POLH: variants seen among roughly 807,000 people sequenced by gnomAD.
POLH encodes the protein DNA polymerase eta transcript.
A neutral mutation model predicts 73.6 loss-of-function variants in POLH; 53 were observed. The observed-to-expected ratio is 0.72, with a 90% CI of 0.58 to 0.91. POLH has a LOEUF of 0.91. Ranked by LOEUF, POLH falls within the 40% of genes least tolerant of loss-of-function variation. POLH has a pLI of 0.00. For missense variants in POLH, 768 were observed against 865.4 expected, an observed-to-expected ratio of 0.89 and a Z score of 1.41; for synonymous variants, 292 against 308.5, an observed-to-expected ratio of 0.95 and a Z score of 0.56.
Position 43,617,142 on chromosome 6 carries a change from A to C in POLH, c.*2585A>C, listed in dbSNP as rs1254845400. On this transcript the variant is annotated 3_prime_UTR_variant, in exon 11 of 11. Transcript: ENST00000372236. ...GAGGCAGAGGTTGCAGTGAGCCGAG[A>C]TTTCCACTGCATTCCAGCCTGGGCG... is the stretch of plus-strand genomic sequence containing the variant. 6.6e-6 allele frequency among the ~76,000 whole-genome samples: 1 copy of C among 151,916 alleles called. No homozygotes were observed. Among genetic ancestry groups the C allele is most frequent in the African/African-American group, 2.4e-5 (1 of 41,356 alleles).
At chr6:43,579,475 G>A (rs990722422) in intron 1 of POLH, among the ~76,000 whole-genome samples, 1 of 152,200 alleles carries the variant, frequency 6.6e-6, no homozygotes, top group Non-Finnish European at 1.5e-5. Flanking sequence ...GGAGCAAAAG[G>A]AAGTTCCTGG....
At chr6:43,610,795 T>C (rs1371019520) in intron 10 of POLH, 72 bp downstream of exon 10, 11 of 1,291,226 alleles carry the variant, frequency 8.5e-6, no homozygotes, top group Admixed American at 3.7e-5. Flanking sequence ...CTACAAGACA[T>C]AATTTTTATC....
At chr6:43,582,860 T>G in intron 2 of POLH, 147 bp from the exon 3 acceptor site, 1 of 744,554 alleles carries the variant, frequency 1.3e-6, no homozygotes. Context: ...TTTTTGAGAT[T>G]TCTGAACTGC....
intron 5 of POLH, 49 bp downstream of exon 5, chr6:43,597,914 A>G: frequency 7.4e-6 from 11 of 1,482,558 alleles, no homozygotes; most frequent in Non-Finnish European, 9.4e-6. Context: ...ATCCTTAGTC[A>G]AATACAGTAG....
At chr6:43,602,649 C>G (rs1186286766) in intron 6 of POLH, among the ~76,000 whole-genome samples, 1 of 151,524 alleles carries the variant, frequency 6.6e-6, no homozygotes, top group Non-Finnish European at 1.5e-5. Context: ...CAGGGAGCCT[C>G]AAAGGCTGGG....
chr6:43,604,036 T>C, intron 7 of POLH, 25 bp downstream of exon 7: 1 of 1,595,544 alleles, frequency 6.3e-7, no homozygotes, highest in Non-Finnish European at 8.6e-7. Flanking sequence ...TTTTTTAAAA[T>C]CATAACCTTT....
chr6:43,601,298 T>C (rs1222015195), intron 6 of POLH, among the ~76,000 whole-genome samples: 1 of 152,054 alleles, frequency 6.6e-6, no homozygotes, highest in African/African-American at 2.4e-5. Flanking sequence ...AGAGTTTCAC[T>C]CTTGTTGCCC....
intron 9 of POLH, among the ~76,000 whole-genome samples, chr6:43,609,924 C>T (rs1003882288): frequency 1.8e-4 from 27 of 152,038 alleles, no homozygotes; most frequent in African/African-American, 6.0e-4. Context: ...TAGGATACTC[C>T]GATGTTCCAT....
intron 10 of POLH, among the ~76,000 whole-genome samples, chr6:43,612,538 G>A (rs1295826471): frequency 2.6e-5 from 4 of 151,822 alleles, no homozygotes; most frequent in Admixed American, 2.0e-4. Flanking sequence ...GTAGAGACAG[G>A]GTTTCTCCAT....
At chr6:43,608,158 C>T (rs1767500486) in intron 9 of POLH, among the ~76,000 whole-genome samples, 1 of 152,018 alleles carries the variant, frequency 6.6e-6, no homozygotes, top group Non-Finnish European at 1.5e-5. Flanking sequence ...AACAAAAATC[C>T]TCTCCCCTTT....
chr6:43,600,443 T>C (rs1363075043), intron 5 of POLH, among the ~76,000 whole-genome samples: 1 of 152,076 alleles, frequency 6.6e-6, no homozygotes, highest in Non-Finnish European at 1.5e-5. Context: ...TCTCAAGGAT[T>C]TAAGCTTTTT....
Position 43,583,120 on chromosome 6 carries a change from G to C in POLH, c.251G>C (p.Arg84Pro). ...CTACTGGCACAAGTTCGTGAGTCCCGTGGGAAAGCTAACCTCACCAAGTAA... is the reference window on the plus strand; with the variant it reads ...CTACTGGCACAAGTTCGTGAGTCCCCTGGGAAAGCTAACCTCACCAAGTAA... ...DLLLAQVRES[R>P]GKANLTKYRE... Residue 84 changes from arginine (R) to proline (P), a missense_variant, in exon 3 of 11, where the codon CGT (arginine) becomes CCT (proline). Transcript: ENST00000372236. 1 of 1,613,934 alleles carries C rather than the reference G, an allele frequency of 6.2e-7. No homozygotes were observed.
chr6:43,609,075 A>G (rs1767608326), intron 9 of POLH, among the ~76,000 whole-genome samples: 2 of 152,068 alleles, frequency 1.3e-5, no homozygotes, highest in Non-Finnish European at 2.9e-5. Flanking sequence ...GATTTATTCA[A>G]ATCTCTGTGC....
chr6:43,583,103 A>C lies in POLH; in HGVS notation c.234A>C (p.Ala78=). 6.2e-7 allele frequency: 1 copy of C among 1,614,104 alleles called. No homozygotes were observed. Among genetic ancestry groups the C allele is most frequent in the Non-Finnish European group, 8.5e-7 (1 of 1,179,968 alleles). Residue 78 remains alanine (A), a synonymous_variant, in exon 3 of 11, where the codon GCA becomes GCC. Coordinates refer to ENST00000372236, the MANE Select transcript of POLH (RefSeq NM_006502.3). ...AGTTATGTCCAGATCTTCTACTGGC[A>C]CAAGTTCGTGAGTCCCGTGGGAAAG... ...AKKLCPDLLL[A]QVRESRGKAN...
chr6:43,615,659 AAG>A lies in POLH; in HGVS notation c.*1103_*1104del, dbSNP rs1491327633. On this transcript the variant is annotated 3_prime_UTR_variant, in exon 11 of 11. Coordinates refer to ENST00000372236, the MANE Select transcript of POLH (RefSeq NM_006502.3). ...GAGACTTGCATAGTTAAAAAAAAAAAAGGGATTATTTTTATTTTTATTTTTTA... is the reference window on the plus strand; with the variant it reads ...GAGACTTGCATAGTTAAAAAAAAAAAGGATTATTTTTATTTTTATTTTTTA... 4 of 152,160 alleles carry A rather than the reference AAG, an allele frequency of 2.6e-5. No individual in the cohort carries two copies. Among genetic ancestry groups the A allele is most frequent in the South Asian group, 2.1e-4 (1 of 4,822 alleles). The allele number at this position is 152,160 out of a possible 1,614,324, so 9.4% of individuals were successfully genotyped here. A position where few individuals can be genotyped will look rare whatever the true frequency, so the allele number is the denominator to read the frequency against.
At position 43,614,421 on chromosome 6, in the gene POLH, CA is replaced by C; in HGVS notation, c.2009del (p.Asn670ThrfsTer42). 6.2e-7 allele frequency: 1 copy of C among 1,614,194 alleles called. No homozygotes were observed. Among genetic ancestry groups the C allele is most frequent in the Non-Finnish European group, 8.5e-7 (1 of 1,180,028 alleles). On this transcript the variant is annotated frameshift_variant, in exon 11 of 11. Coordinates refer to ENST00000372236, the MANE Select transcript of POLH (RefSeq NM_006502.3). LOFTEE classifies it high-confidence loss of function. ...LQKSFLQPHS[S>X]NPQVVSAVSH... Reference sequence around the variant, plus strand: ...AAATCCTTTTTGCAGCCCCACTCTTCAAACCCCCAGGTTGTTTCTGCCGTAT... The same window carrying C: ...AAATCCTTTTTGCAGCCCCACTCTTCAACCCCCAGGTTGTTTCTGCCGTAT...
intron 3 of POLH, among the ~76,000 whole-genome samples, chr6:43,584,852 A>G (rs1352777457): frequency 2.6e-5 from 4 of 152,180 alleles, no homozygotes; most frequent in African/African-American, 9.7e-5. Flanking sequence ...TACGAAGGAT[A>G]CAGATAGGTT....
At position 43,600,999 on chromosome 6, in the gene POLH, A is replaced by AT. The variant is rs772778835; in HGVS notation, c.672_673insT (p.Leu225SerfsTer33). 2.5e-6 allele frequency: 4 copies of AT among 1,613,816 alleles called. No individual in the cohort carries two copies. The Admixed American group carries it at 5.0e-5, about 20-fold the overall frequency. ...TTGCATGCTTCCAGGTCCTGGCAAA[A>AT]CTGGCCTGTGGACTAAACAAGCCCA... On this transcript the variant is annotated frameshift_variant, in exon 6 of 11. Coordinates refer to ENST00000372236, the MANE Select transcript of POLH (RefSeq NM_006502.3). LOFTEE classifies it high-confidence loss of function.
intron 9 of POLH, among the ~76,000 whole-genome samples, chr6:43,607,564 C>CT (rs141111801): frequency 0.019 from 2,847 of 152,202 alleles, 34 homozygotes; most frequent in South Asian, 0.042. Context: ...CACCTGTTTT[C>CT]TTTCCAGCAT....
Sources: gnomAD v4.1 joint callset for allele counts (sites outside exome capture counted in the v4.1 genomes callset) on GRCh38, gnomAD v4.1.1 for gene constraint, MANE v1.5 for transcripts, NCBI Gene and HGNC (gene_info 2026-07-23, HGNC 2026-07-21) for gene names.